Variants in ATP2B2 observed in about 807,000 individuals in gnomAD.
ATP2B2 encodes plasma membrane calcium-transporting ATPase 2.
A neutral mutation model predicts 120.0 loss-of-function variants in ATP2B2; 15 were observed. The ratio of observed to expected loss-of-function variants is 0.12; its 90% CI spans 0.08 to 0.19. The LOEUF is 0.19. Ranked by LOEUF, ATP2B2 falls within the 10% of genes least tolerant of loss-of-function variation. The pLI, the probability that ATP2B2 is intolerant of heterozygous loss-of-function variation, is 1.00. For missense variants in ATP2B2, 1,045 were observed against 1,719.8 expected (o/e 0.61, Z 6.94); for synonymous variants, 694 against 700.3 (o/e 0.99, Z 0.14).
rs1183420410 is a variant in ATP2B2 at position 10,343,674 on chromosome 3, C to T, written c.2704-709G>A. On this transcript the variant is annotated intron_variant, in intron 18 of 22. Transcript: ENST00000360273. The surrounding 1 kb of genome is among the most constrained non-coding windows in gnomAD (Gnocchi z 4.2). ...CCCCACGTATCTTGTCCACAGCAGC[C>T]AGACTTTGGCCCCTCCACGTTCCCA... Among the ~76,000 whole-genome samples, 1 of 152,016 alleles carries T rather than the reference C, an allele frequency of 6.6e-6. No individual in the cohort carries two copies. Among genetic ancestry groups the T allele is most frequent in the Non-Finnish European group, 1.5e-5 (1 of 68,022 alleles).
rs576783085 is a variant in ATP2B2 at position 10,392,866 on chromosome 3, T to C, written c.782-4464A>G. ...TAGGCCCCATATCTCAGCAATAGTG[T>C]CTTGACACTGTCTAAGGGAGACCAG... On this transcript the variant is annotated intron_variant, in intron 5 of 22. Coordinates refer to ENST00000360273, the MANE Select transcript of ATP2B2 (RefSeq NM_001001331.4). Among the ~76,000 whole-genome samples, 5 of 152,332 alleles carry C rather than the reference T, an allele frequency of 3.3e-5. No homozygotes were observed. The South Asian group carries it at 1.0e-3, about 32-fold the overall frequency.
chr3:10,543,169 T>A (rs886139861), intron 2 of ATP2B2, among the ~76,000 whole-genome samples: 1 of 152,228 alleles, frequency 6.6e-6, no homozygotes, highest in Non-Finnish European at 1.5e-5. Context: ...TTTAAAAAAC[T>A]TGATGAATGT....
intron 2 of ATP2B2, among the ~76,000 whole-genome samples, chr3:10,568,041 G>A (rs867582595): frequency 6.6e-6 from 1 of 152,222 alleles, no homozygotes; most frequent in Non-Finnish European, 1.5e-5. Context: ...GAAGGCAAAG[G>A]TGAAGAGGCC....
chr3:10,631,487 A>G (rs1021403922), intron 1 of ATP2B2, among the ~76,000 whole-genome samples: 1 of 152,218 alleles, frequency 6.6e-6, no homozygotes, highest in Non-Finnish European at 1.5e-5. Context: ...AAGGCCTCCA[A>G]TTGAGCTCAT....
chr3:10,544,818 C>T (rs2067510109), intron 2 of ATP2B2, among the ~76,000 whole-genome samples: 1 of 152,220 alleles, frequency 6.6e-6, no homozygotes. Context: ...AGCTCATGTC[C>T]TGCAGACACT....
chr3:10,331,746 G>A (rs547635902), intron 22 of ATP2B2, among the ~76,000 whole-genome samples: 9 of 150,322 alleles, frequency 6.0e-5, no homozygotes, highest in South Asian at 4.2e-4. Flanking sequence ...GCATTTGGGC[G>A]TGGGGGTGAG....
intron 2 of ATP2B2, among the ~76,000 whole-genome samples, chr3:10,550,761 G>A (rs944192535): frequency 1.4e-4 from 22 of 152,178 alleles, no homozygotes; most frequent in African/African-American, 5.3e-4. Flanking sequence ...TCTATGGAAC[G>A]AGTTGCAGAA....
intron 5 of ATP2B2, among the ~76,000 whole-genome samples, chr3:10,396,514 T>G (rs1230687574): frequency 6.6e-6 from 1 of 152,256 alleles, no homozygotes; most frequent in Admixed American, 6.5e-5. Context: ...CTCTCTGTGT[T>G]GTTCCTCAAG....
intron 1 of ATP2B2, among the ~76,000 whole-genome samples, chr3:10,455,233 G>C (rs946749155): frequency 6.6e-6 from 1 of 152,170 alleles, no homozygotes. Context: ...AGCAGTCATA[G>C]TTTTTCTTTG....
Position 10,342,105 on chromosome 3 carries a change from C to T in ATP2B2, c.2917+647G>A, listed in dbSNP as rs781738976. Among the ~76,000 whole-genome samples, 1 of 152,238 alleles carries T rather than the reference C, an allele frequency of 6.6e-6. No homozygotes were observed. The highest frequency in any genetic ancestry group is 1.5e-5 in the Non-Finnish European group (1 of 68,052). On this transcript the variant is annotated intron_variant, in intron 19 of 22. Coordinates refer to ENST00000360273, the MANE Select transcript of ATP2B2 (RefSeq NM_001001331.4). The surrounding 1 kb of genome is among the most constrained non-coding windows in gnomAD (Gnocchi z 4.4). ...GGCTTTGTTGGGATTGCCTCCGAAG[C>T]ATCTGTGGAAACCAGGCCAGTCTTG... is the stretch of plus-strand genomic sequence containing the variant.
chr3:10,707,819 G>T, intron 1 of ATP2B2: 1 of 152,362 alleles, frequency 6.6e-6, no homozygotes, highest in South Asian at 1.9e-4. Context: ...CTCCGGGGCC[G>T]AGCGCCCGCG....
rs1240628084 is a variant in ATP2B2, at chr3:10,340,520, G to T, written c.3102C>A (p.Thr1034=). 3 of 1,614,126 alleles carry T rather than the reference G, an allele frequency of 1.9e-6. No individual in the cohort carries two copies. The highest frequency in any genetic ancestry group is 2.5e-6 in the Non-Finnish European group (3 of 1,180,050). ...GGATGGCAAAGGTGCCCAGCACGAT[G>T]GTGCAGAAGATGGGGTTCCGGAAGA... The part of the protein sequence containing the change: ...DGIFRNPIFC[T]IVLGTFAIQI... The change falls in exon 20 of 23, where the codon ACC becomes ACA. Residue 1034 remains threonine, a synonymous_variant. Transcript: ENST00000360273. The surrounding 1 kb of genome is among the most constrained non-coding windows in gnomAD (Gnocchi z 5.0).
chr3:10,616,691 C>T (rs1362007318), intron 2 of ATP2B2, among the ~76,000 whole-genome samples: 1 of 151,926 alleles, frequency 6.6e-6, no homozygotes, highest in African/African-American at 2.4e-5. Context: ...TGCACACACA[C>T]ACACACACTC....
At chr3:10,670,235 T>G (rs2071060283) in intron 1 of ATP2B2, among the ~76,000 whole-genome samples, 1 of 152,230 alleles carries the variant, frequency 6.6e-6, no homozygotes, top group South Asian at 2.1e-4. Context: ...GGATGCTGCT[T>G]GACTTCCTTT....
At chr3:10,702,253 A>T (rs2125720715) in intron 1 of ATP2B2, among the ~76,000 whole-genome samples, 1 of 152,306 alleles carries the variant, frequency 6.6e-6, no homozygotes, top group South Asian at 2.1e-4. Flanking sequence ...TGAGGACTAG[A>T]AGGTAAAAAT....
Position 10,491,367 on chromosome 3 carries a change from A to G in ATP2B2, c.-320+14098T>C, listed in dbSNP as rs555944121. Among the ~76,000 whole-genome samples, 47 of 152,168 alleles carry G rather than the reference A, an allele frequency of 3.1e-4. No individual in the cohort carries two copies. The South Asian group carries it at 9.3e-3, about 30-fold the overall frequency. ...CAGCCTCCCGAGTAGCTTGGATTAC[A>G]GGTGCATACCACCATGCCCGGCTAA... On this transcript the variant is annotated intron_variant, in intron 1 of 22. Transcript: ENST00000360273.
intron 1 of ATP2B2, among the ~76,000 whole-genome samples, chr3:10,487,308 C>A (rs575305957): frequency 3.9e-5 from 6 of 152,130 alleles, no homozygotes; most frequent in Admixed American, 3.9e-4. Context: ...ATATACACCC[C>A]AAAACAAATC....
rs140913510 is a variant in ATP2B2 at position 10,371,207 on chromosome 3, A to T, written c.1659+602T>A. Among the ~76,000 whole-genome samples the T allele has an allele frequency of 3.3e-3, 499 of 152,316 alleles. 4 individuals carry two copies. Among genetic ancestry groups the T allele is most frequent in the African/African-American group, 0.011 (468 of 41,564 alleles). ...AACGTGGCGGTTCAGGCCTCAAGAGACTTGCACACTTCTGTCCTCTCTCAA... is the reference window on the plus strand; with the variant it reads ...AACGTGGCGGTTCAGGCCTCAAGAGTCTTGCACACTTCTGTCCTCTCTCAA... On this transcript the variant is annotated intron_variant, in intron 12 of 22. Transcript: ENST00000360273.
At chr3:10,649,158 C>T (rs1246049787) in intron 1 of ATP2B2, among the ~76,000 whole-genome samples, 1 of 152,178 alleles carries the variant, frequency 6.6e-6, no homozygotes, top group African/African-American at 2.4e-5. Flanking sequence ...ATCTTCCCAC[C>T]TTGGCCTCCC....
Sources: gnomAD v4.1 joint callset for allele counts (sites outside exome capture counted in the v4.1 genomes callset) on GRCh38, gnomAD v4.1.1 for gene constraint, Gnocchi (gnomAD v3.1) non-coding constraint, MANE v1.5 for transcripts, NCBI Gene and HGNC (gene_info 2026-07-23, HGNC 2026-07-21) for gene names.